The following DAP variants were observed in gnomAD, a reference collection of about 807,000 sequenced individuals.
DAP encodes the protein death associated protein, also known as death-associated protein 1.
DAP carries 8 observed loss-of-function variants against 13.8 expected under a neutral mutation model. The ratio of observed to expected loss-of-function variants is 0.58; its 90% CI spans 0.34 to 1.05. The LOEUF (loss-of-function observed/expected upper bound fraction) is 1.05, where lower values mean the gene tolerates loss of function less well. Among genes scored for constraint, DAP ranks in the 50% least tolerant of loss-of-function variants. The pLI is 0.03. For synonymous variants in DAP, 47 were observed against 47.5 expected (o/e 0.99, Z 0.04); for missense variants, 106 against 133.2 (o/e 0.80, Z 1.01).
At chr5:10,722,059 A>G (rs1739157361) in intron 2 of DAP, among the ~76,000 whole-genome samples, 1 of 152,202 alleles carries the variant, frequency 6.6e-6, no homozygotes, top group Admixed American at 6.5e-5. Flanking sequence ...AAGATTATGT[A>G]TGATCTCAGG....
At chr5:10,731,429 T>G (rs906348190) in intron 2 of DAP, among the ~76,000 whole-genome samples, 22 of 152,228 alleles carry the variant, frequency 1.4e-4, no homozygotes, top group Non-Finnish European at 2.5e-4. Flanking sequence ...CTGCATTGGC[T>G]TTGGATCCCG....
intron 2 of DAP, among the ~76,000 whole-genome samples, chr5:10,731,937 G>T (rs1739470836): frequency 1.3e-5 from 2 of 152,166 alleles, no homozygotes; most frequent in South Asian, 4.1e-4. Context: ...CCTCTCCTGT[G>T]GTCAACCCCA....
intron 2 of DAP, among the ~76,000 whole-genome samples, chr5:10,735,595 G>A (rs1739588629): frequency 1.3e-5 from 2 of 152,164 alleles, no homozygotes. Flanking sequence ...CTCATATGCT[G>A]GGGATGCATG....
At position 10,709,854 on chromosome 5, in the gene DAP, T is replaced by C. The variant is rs192309177; in HGVS notation, c.153-26283A>G. ...AGAGTGCTGGGCACTGCAGCCCTTC[T>C]TGTATTCTTTAGGGCAATGATGTCC... is the stretch of plus-strand genomic sequence containing the variant. On this transcript the variant is annotated intron_variant, in intron 2 of 3. Coordinates refer to ENST00000230895, the MANE Select transcript of DAP (RefSeq NM_004394.3). 2.0e-3 allele frequency among the ~76,000 whole-genome samples: 301 copies of C among 152,322 alleles called. 1 individual carries two copies. The highest frequency in any genetic ancestry group is 6.9e-3 in the African/African-American group (286 of 41,574).
intron 2 of DAP, among the ~76,000 whole-genome samples, chr5:10,709,465 G>A (rs1237246453): frequency 6.6e-6 from 1 of 152,224 alleles, no homozygotes; most frequent in Non-Finnish European, 1.5e-5. Flanking sequence ...ACTGGGGAGA[G>A]CTTGGAAAGG....
intron 2 of DAP, among the ~76,000 whole-genome samples, chr5:10,691,029 A>C (rs1356604189): frequency 6.6e-6 from 1 of 152,204 alleles, no homozygotes; most frequent in African/African-American, 2.4e-5. Flanking sequence ...TGTGGTTTAG[A>C]TTTAGCAACT....
At chr5:10,749,462 T>C (rs1739991042) in intron 1 of DAP, among the ~76,000 whole-genome samples, 1 of 152,208 alleles carries the variant, frequency 6.6e-6, no homozygotes, top group African/African-American at 2.4e-5. Context: ...TTCCCGACAC[T>C]TACTATTGTG....
chr5:10,683,549 T>A lies in DAP; in HGVS notation c.175A>T (p.Ile59Phe). 1 of 1,612,816 alleles carries A rather than the reference T, an allele frequency of 6.2e-7. No homozygotes were observed. The highest frequency in any genetic ancestry group is 1.1e-5 in the South Asian group (1 of 90,960). Reference sequence around the variant, plus strand: ...CTTACCCGGGCGATGACCCCAGAGATGAACACAGTGGGTTTAGGTGGACTG... The same window carrying A: ...CTTACCCGGGCGATGACCCCAGAGAAGAACACAGTGGGTTTAGGTGGACTG... ...SPSPPKPTVF[I>F]SGVIARGDKD... Residue 59 changes from isoleucine (I) to phenylalanine (F), a missense_variant, in exon 3 of 4, where the codon ATC becomes TTC. Coordinates refer to ENST00000230895, the MANE Select transcript of DAP (RefSeq NM_004394.3).
intron 3 of DAP, among the ~76,000 whole-genome samples, chr5:10,682,510 G>A (rs1263641695): frequency 7.1e-5 from 10 of 141,202 alleles, no homozygotes; most frequent in South Asian, 4.7e-4. Context: ...TGGGGTTTGT[G>A]GGTGAGGAAG....
At chr5:10,725,160 A>AT (rs907300156) in intron 2 of DAP, among the ~76,000 whole-genome samples, 13 of 152,014 alleles carry the variant, frequency 8.6e-5, no homozygotes, top group African/African-American at 3.1e-4. Context: ...TTTCAGGCTT[A>AT]TTTTTTTTCC....
Position 10,707,909 on chromosome 5 carries a change from C to T in DAP, c.153-24338G>A, listed in dbSNP as rs767699307. Among the ~76,000 whole-genome samples the T allele has an allele frequency of 1.3e-5, 2 of 152,178 alleles. No individual in the cohort carries two copies. Among genetic ancestry groups the T allele is most frequent in the African/African-American group, 2.4e-5 (1 of 41,440 alleles). On this transcript the variant is annotated intron_variant, in intron 2 of 3. Coordinates refer to ENST00000230895, the MANE Select transcript of DAP (RefSeq NM_004394.3). The surrounding 1 kb of genome is among the most constrained non-coding windows in gnomAD (Gnocchi z 4.0). ...AATTTGGTGCCTCACCCCATGCTGT[C>T]GCTACCTCCAAGTGGCTCTAATTCT...
chr5:10,729,581 G>T (rs2126665247), intron 2 of DAP, among the ~76,000 whole-genome samples: 1 of 152,260 alleles, frequency 6.6e-6, no homozygotes, highest in East Asian at 1.9e-4. Flanking sequence ...CAAATTCTTG[G>T]AATACCAAAG....
At chr5:10,743,350 T>G (rs571366824) in intron 2 of DAP, among the ~76,000 whole-genome samples, 68 of 152,334 alleles carry the variant, frequency 4.5e-4, no homozygotes, top group African/African-American at 1.6e-3. Context: ...CACCTCTTGG[T>G]TGATGTGAAT....
At chr5:10,742,811 T>C (rs1368872487) in intron 2 of DAP, among the ~76,000 whole-genome samples, 2 of 152,224 alleles carry the variant, frequency 1.3e-5, no homozygotes, top group Non-Finnish European at 2.9e-5. Context: ...TATGGCTGCA[T>C]GGGCGTCAGT....
Position 10,694,680 on chromosome 5 carries a change from C to T in DAP, c.153-11109G>A, listed in dbSNP as rs146968003. ...TAGCACTTGTGTAACAGAGAGGACA[C>T]GACACTAGAGCACTGCAGTGGGAGG... On this transcript the variant is annotated intron_variant, in intron 2 of 3. Transcript: ENST00000230895. 1.1e-3 allele frequency among the ~76,000 whole-genome samples: 165 copies of T among 152,306 alleles called. 1 individual carries two copies. Among genetic ancestry groups the T allele is most frequent in the Non-Finnish European group, 1.5e-3 (99 of 68,026 alleles).
chr5:10,723,730 G>A (rs1739215824), intron 2 of DAP, among the ~76,000 whole-genome samples: 1 of 152,220 alleles, frequency 6.6e-6, no homozygotes, highest in Admixed American at 6.5e-5. Flanking sequence ...AAGAATGTGT[G>A]AAACCAAACT....
At chr5:10,731,068 G>A (rs2918387) in intron 2 of DAP, among the ~76,000 whole-genome samples, 1 of 31,248 alleles carries the variant, frequency 3.2e-5, no homozygotes, top group South Asian at 1.3e-3. Context: ...GAGCCCTAGT[G>A]GGGGGGAATC....
intron 2 of DAP, among the ~76,000 whole-genome samples, chr5:10,686,030 A>G (rs1458908148): frequency 6.6e-6 from 1 of 152,216 alleles, no homozygotes; most frequent in Non-Finnish European, 1.5e-5. Flanking sequence ...AACTCTGCAT[A>G]AGCAAGTCTA....
chr5:10,691,707 TC>T (rs1451393022), intron 2 of DAP, among the ~76,000 whole-genome samples: 1 of 152,188 alleles, frequency 6.6e-6, no homozygotes, highest in Non-Finnish European at 1.5e-5. Context: ...CTCAGGCCTT[TC>T]CAGACTTTAA....
Sources: allele counts gnomAD v4.1 joint callset (sites outside exome capture counted in the v4.1 genomes callset), GRCh38; gene constraint gnomAD v4.1.1; non-coding constraint Gnocchi (gnomAD v3.1); transcripts MANE v1.5; gene names NCBI Gene and HGNC (gene_info 2026-07-23, HGNC 2026-07-21).